WWOX: variants seen among roughly 807,000 people sequenced by gnomAD.
The protein encoded by WWOX is WW domain-containing oxidoreductase.
In WWOX, 69 loss-of-function variants were observed where a neutral mutation model predicts 46.2. That is an observed-to-expected ratio of 1.49 (90% CI 1.23 to 1.82). The LOEUF is 1.82. WWOX is among the 40% of genes most tolerant of loss of function. The probability of loss-of-function intolerance (pLI) is 0.00; values close to 1 mark genes in which losing one functional copy is unlikely to be tolerated. For synonymous variants in WWOX, 359 were observed against 202.6 expected, an observed-to-expected ratio of 1.77 and a Z score of -6.56; for missense variants, 919 against 542.6, an observed-to-expected ratio of 1.69 and a Z score of -6.89.
chr16:78,856,671 C>T (rs1043757148), intron 8 of WWOX, among the ~76,000 whole-genome samples: 2 of 152,030 alleles, frequency 1.3e-5, no homozygotes, highest in African/African-American at 4.8e-5. Context: ...GAATAGATCT[C>T]TTTCAGTACA....
intron 8 of WWOX, among the ~76,000 whole-genome samples, chr16:78,992,233 G>A (rs116111814): frequency 0.013 from 2,025 of 152,218 alleles, 61 homozygotes; most frequent in African/African-American, 0.047. Flanking sequence ...TGGACCTTTG[G>A]TCACCCCTTC....
Position 78,422,682 on chromosome 16 carries a change from TATACAC to T in WWOX, c.606-2186_606-2181del, listed in dbSNP as rs1225464261. Among the ~76,000 whole-genome samples, 8 of 74,460 alleles carry T rather than the reference TATACAC, an allele frequency of 1.1e-4. 1 individual carries two copies. Among genetic ancestry groups the T allele is most frequent in the African/African-American group, 6.0e-4 (8 of 13,226 alleles). 48.8% of individuals were successfully genotyped at this position (74,460 alleles called of 152,430 possible). ...TTACATGTATATATATATATATATA[TATACAC>T]ACACACACACACATATATATATACA... On this transcript the variant is annotated intron_variant, in intron 6 of 8. Coordinates refer to ENST00000566780, the MANE Select transcript of WWOX (RefSeq NM_016373.4).
chr16:79,115,360 T>C (rs180704409), intron 8 of WWOX, among the ~76,000 whole-genome samples: 104 of 152,286 alleles, frequency 6.8e-4, no homozygotes, highest in Non-Finnish European at 1.2e-3. Flanking sequence ...TCAGGACTTA[T>C]ATGGTGCAGG....
intron 8 of WWOX, among the ~76,000 whole-genome samples, chr16:78,656,185 GGTGGGTGT>G (rs2047076918): frequency 6.6e-6 from 1 of 151,956 alleles, no homozygotes; most frequent in Non-Finnish European, 1.5e-5. Flanking sequence ...TGTGTGGGTG[GGTGGGTGT>G]GTGTGAAAGG....
chr16:78,519,644 A>G (rs1326710939), intron 8 of WWOX, among the ~76,000 whole-genome samples: 1 of 152,090 alleles, frequency 6.6e-6, no homozygotes, highest in Non-Finnish European at 1.5e-5. Context: ...GACCTTTAGG[A>G]CATGATAAGG....
At chr16:78,907,539 C>T (rs992788600) in intron 8 of WWOX, among the ~76,000 whole-genome samples, 8 of 152,106 alleles carry the variant, frequency 5.3e-5, no homozygotes, top group African/African-American at 1.9e-4. Context: ...CTAAATATCC[C>T]CCCAAAGTTA....
chr16:78,950,068 C>A (rs542905701), intron 8 of WWOX, among the ~76,000 whole-genome samples: 1 of 152,084 alleles, frequency 6.6e-6, no homozygotes. Context: ...TGAATTTGGG[C>A]GATGATACCA....
intron 4 of WWOX, among the ~76,000 whole-genome samples, chr16:78,156,559 G>A (rs2034607132): frequency 6.6e-6 from 1 of 152,152 alleles, no homozygotes; most frequent in Admixed American, 6.5e-5. Context: ...GAATCCTACT[G>A]GGTGCTAGTC....
chr16:78,152,069 A>G (rs1057203365), intron 4 of WWOX, among the ~76,000 whole-genome samples: 3 of 152,112 alleles, frequency 2.0e-5, no homozygotes, highest in African/African-American at 7.2e-5. Flanking sequence ...GGGCGCCTGT[A>G]GTCCCAGCTA....
intron 8 of WWOX, among the ~76,000 whole-genome samples, chr16:78,481,604 G>A (rs62036362): frequency 0.03 from 4,564 of 150,672 alleles, 124 homozygotes; most frequent in African/African-American, 0.07. Context: ...ATATCAGCAC[G>A]TGGTACACTG....
chr16:78,211,555 C>T (rs759913613), intron 5 of WWOX, among the ~76,000 whole-genome samples: 1 of 151,734 alleles, frequency 6.6e-6, no homozygotes, highest in Non-Finnish European at 1.5e-5. Flanking sequence ...TGCTGTTGCT[C>T]CTGCTGCTGC....
intron 8 of WWOX, among the ~76,000 whole-genome samples, chr16:78,675,402 A>C (rs985967796): frequency 5.9e-5 from 9 of 152,230 alleles, no homozygotes; most frequent in Non-Finnish European, 1.3e-4. Context: ...TCATCTCTGC[A>C]GACTAAAGTA....
intron 8 of WWOX, among the ~76,000 whole-genome samples, chr16:78,484,551 T>C (rs1162045343): frequency 2.6e-5 from 4 of 152,268 alleles, no homozygotes; most frequent in Non-Finnish European, 5.9e-5. Flanking sequence ...ACTTATAGTC[T>C]AATAATCACG....
At chr16:79,143,460 G>A (rs1227654262) in intron 8 of WWOX, among the ~76,000 whole-genome samples, 2 of 152,116 alleles carry the variant, frequency 1.3e-5, no homozygotes, top group East Asian at 1.9e-4. Context: ...TCTGTGGCTC[G>A]GCTAAGTGGA....
chr16:78,232,884 C>T (rs1449904846), intron 5 of WWOX, among the ~76,000 whole-genome samples: 2 of 151,556 alleles, frequency 1.3e-5, no homozygotes, highest in African/African-American at 4.9e-5. Context: ...GCTCTGTCAC[C>T]GGGCTGGAGT....
At chr16:79,047,913 A>G (rs1051198028) in intron 8 of WWOX, among the ~76,000 whole-genome samples, 2 of 152,074 alleles carry the variant, frequency 1.3e-5, no homozygotes, top group East Asian at 1.9e-4. Context: ...TTGAACCAGA[A>G]TACACCCGAG....
At position 78,462,811 on chromosome 16, in the gene WWOX, G is replaced by A. The variant is rs2738655; in HGVS notation, c.1056+30059G>A. 3.7e-3 allele frequency among the ~76,000 whole-genome samples: 557 copies of A among 152,326 alleles called. 2 individuals carry two copies. The highest frequency in any genetic ancestry group is 0.012 in the African/African-American group (517 of 41,582). On this transcript the variant is annotated intron_variant, in intron 8 of 8. Transcript: ENST00000566780. The stretch of plus-strand genomic sequence containing the variant: ...CTTCCCTTGATTAGCTCTGAGAAAC[G>A]AGGCAGCGGGCACTGGGGCAGCCAC...
At chr16:78,471,091 C>T (rs940298512) in intron 8 of WWOX, among the ~76,000 whole-genome samples, 7 of 152,196 alleles carry the variant, frequency 4.6e-5, no homozygotes, top group African/African-American at 1.4e-4. Context: ...ATGCTTCCAG[C>T]CTTAGCGGTT....
At chr16:78,770,022 T>G (rs1021297390) in intron 8 of WWOX, among the ~76,000 whole-genome samples, 15 of 151,432 alleles carry the variant, frequency 9.9e-5, no homozygotes, top group African/African-American at 3.6e-4. Flanking sequence ...ACAGCCTGGG[T>G]GACAGAGTGA....
Sources: allele counts gnomAD v4.1 joint callset (sites outside exome capture counted in the v4.1 genomes callset), GRCh38; gene constraint gnomAD v4.1.1; transcripts MANE v1.5; gene names NCBI Gene and HGNC (gene_info 2026-07-23, HGNC 2026-07-21).